The following ADAMTS7 variants were observed in gnomAD, a reference collection of about 807,000 sequenced individuals.
The protein encoded by ADAMTS7 is A disintegrin and metalloproteinase with thrombospondin motifs 7.
In ADAMTS7, 89 loss-of-function variants were observed where a neutral mutation model predicts 172.6. That is an observed-to-expected ratio of 0.52 (90% confidence interval 0.43 to 0.61). The LOEUF (loss-of-function observed/expected upper bound fraction) is 0.61, where lower values mean the gene tolerates loss of function less well. ADAMTS7 is among the 20% of genes least tolerant of loss of function. The pLI is 0.00. For synonymous variants in ADAMTS7, 885 were observed against 978.4 expected, an observed-to-expected ratio of 0.90 and a Z score of 1.78; for missense variants, 1,973 against 2,355.6, an observed-to-expected ratio of 0.84 and a Z score of 3.36.
chr15:78,759,798 C>T (rs1197025061), intron 23 of ADAMTS7, among the ~76,000 whole-genome samples: 3 of 152,210 alleles, frequency 2.0e-5, no homozygotes, highest in Non-Finnish European at 4.4e-5. Flanking sequence ...ACGGGTGCTG[C>T]TGGGCTGAGG....
At chr15:78,770,259 A>G (rs1178714952) in intron 16 of ADAMTS7, among the ~76,000 whole-genome samples, 2 of 151,738 alleles carry the variant, frequency 1.3e-5, no homozygotes, top group Non-Finnish European at 2.9e-5. Context: ...CTAGCTTTGG[A>G]AGGTATCTGC....
At chr15:78,801,780 C>A (rs2055728452) in intron 1 of ADAMTS7, among the ~76,000 whole-genome samples, 1 of 152,078 alleles carries the variant, frequency 6.6e-6, no homozygotes, top group Non-Finnish European at 1.5e-5. Flanking sequence ...TGAGCTCGAG[C>A]CATCCTCCCA....
At chr15:78,785,546 CAAAAA>C (rs58203887) in intron 8 of ADAMTS7, among the ~76,000 whole-genome samples, 5 of 124,644 alleles carry the variant, frequency 4.0e-5, no homozygotes, top group Admixed American at 8.0e-5. Flanking sequence ...GAGAGTCTCT[CAAAAA>C]AAAAAAAAAA....
chr15:78,772,822 G>GA (rs375344545), intron 14 of ADAMTS7, among the ~76,000 whole-genome samples: 41,657 of 152,102 alleles, frequency 0.27, 5,874 homozygotes, highest in South Asian at 0.42. Flanking sequence ...CCATTCTTTG[G>GA]AAGGCCAAGG....
At chr15:78,773,997 G>A (rs2055295973) in intron 13 of ADAMTS7, among the ~76,000 whole-genome samples, 170 bp downstream of exon 13, 2 of 152,178 alleles carry the variant, frequency 1.3e-5, no homozygotes, top group Non-Finnish European at 1.5e-5. Flanking sequence ...GAAGCCCGAT[G>A]GTAGAGCATG....
chr15:78,776,568 A>G, intron 10 of ADAMTS7, 181 bp downstream of exon 10: 2 of 829,982 alleles, frequency 2.4e-6, no homozygotes, highest in Non-Finnish European at 3.7e-6. Context: ...CTGGGGAATC[A>G]TGGAATCAAG....
intron 5 of ADAMTS7, among the ~76,000 whole-genome samples, 164 bp from the exon 6 acceptor site, chr15:78,790,958 C>T (rs2055572340): frequency 6.6e-6 from 1 of 152,216 alleles, no homozygotes; most frequent in Non-Finnish European, 1.5e-5. Flanking sequence ...GTAGGAACCT[C>T]CTGCAGAGGA....
rs766203777 is a variant in ADAMTS7 at position 78,766,179 on chromosome 15, G to A, written c.3732C>T (p.Ser1244=). 2 of 1,611,770 alleles carry A rather than the reference G, an allele frequency of 1.2e-6. No individual in the cohort carries two copies. Among genetic ancestry groups the A allele is most frequent in the Non-Finnish European group, 1.7e-6 (2 of 1,179,812 alleles). Residue 1244 remains serine (S), a synonymous_variant, in exon 19 of 24, where the codon TCC becomes TCT. Coordinates refer to ENST00000388820, the MANE Select transcript of ADAMTS7 (RefSeq NM_014272.5). ...PRPSSTLPPL[S]PVGSTHSSPS... is the part of the protein sequence containing the mutation. The stretch of plus-strand genomic sequence containing the variant: ...GAGAGGAGTGGGTGCTGCCAACAGG[G>A]GACAAAGGGGGCAGCGTGGAGCTGG...
chr15:78,789,546 G>T, intron 7 of ADAMTS7, 143 bp downstream of exon 7: 2 of 1,158,312 alleles, frequency 1.7e-6, no homozygotes, highest in East Asian at 2.6e-5. Flanking sequence ...CAGTGCAGGG[G>T]CAGCACATGG....
intron 8 of ADAMTS7, among the ~76,000 whole-genome samples, chr15:78,782,259 G>T (rs2055438385): frequency 6.6e-6 from 1 of 152,096 alleles, no homozygotes; most frequent in Non-Finnish European, 1.5e-5. Flanking sequence ...TCGAACTCCT[G>T]ACCTCAAGGG....
intron 1 of ADAMTS7, among the ~76,000 whole-genome samples, chr15:78,805,558 T>A (rs1234468376): frequency 6.6e-6 from 1 of 152,192 alleles, no homozygotes; most frequent in African/African-American, 2.4e-5. Flanking sequence ...TTTCCCATCA[T>A]GCTTGTGTTT....
chr15:78,787,347 G>GAAAAAA (rs758238548), intron 8 of ADAMTS7, among the ~76,000 whole-genome samples: 1 of 106,522 alleles, frequency 9.4e-6, no homozygotes, highest in Non-Finnish European at 1.8e-5. Context: ...TAGCAAATTT[G>GAAAAAA]AAAAAAAAAA....
intron 8 of ADAMTS7, among the ~76,000 whole-genome samples, chr15:78,786,579 A>G (rs77338180): frequency 0.054 from 8,285 of 152,256 alleles, 238 homozygotes; most frequent in African/African-American, 0.062. Flanking sequence ...GCCAATCGCT[A>G]TGCAGAAAAT....
chr15:78,764,769 G>A, intron 19 of ADAMTS7, 62 bp from the exon 20 acceptor site: 3 of 1,418,922 alleles, frequency 2.1e-6, no homozygotes, highest in Admixed American at 2.8e-5. Context: ...TCCACAGCCA[G>A]GAAACTACCC....
intron 10 of ADAMTS7, 142 bp from the exon 11 acceptor site, chr15:78,776,475 T>C: frequency 7.9e-7 from 1 of 1,272,908 alleles, no homozygotes; most frequent in Non-Finnish European, 1.1e-6. Flanking sequence ...CTCACAATCA[T>C]CACAATCATC....
intron 23 of ADAMTS7, among the ~76,000 whole-genome samples, chr15:78,761,709 A>G (rs921491946): frequency 1.3e-5 from 2 of 152,052 alleles, no homozygotes; most frequent in African/African-American, 4.8e-5. Flanking sequence ...CTGGGGCTGC[A>G]GGAAGGAAGT....
chr15:78,775,853 C>T (rs1314099981), intron 11 of ADAMTS7, among the ~76,000 whole-genome samples: 3 of 152,170 alleles, frequency 2.0e-5, no homozygotes, highest in Non-Finnish European at 4.4e-5. Context: ...AGATTCGAAC[C>T]CTGAGCCATC....
At chr15:78,772,948 C>A in intron 14 of ADAMTS7, 135 bp downstream of exon 14, 5 of 1,198,942 alleles carry the variant, frequency 4.2e-6, no homozygotes, top group Non-Finnish European at 3.5e-6. Flanking sequence ...AGAATCCACC[C>A]CAGCAAGGCT....
chr15:78,792,829 AAGAAAGAG>A (rs1057180686), intron 4 of ADAMTS7, among the ~76,000 whole-genome samples: 3 of 152,094 alleles, frequency 2.0e-5, no homozygotes. Context: ...GAAAGAAAGA[AAGAAAGAG>A]AGAAAGAGAG....
Sources: gnomAD v4.1 joint callset for allele counts (sites outside exome capture counted in the v4.1 genomes callset) on GRCh38, gnomAD v4.1.1 for gene constraint, MANE v1.5 for transcripts, NCBI Gene and HGNC (gene_info 2026-07-23, HGNC 2026-07-21) for gene names.